LATS1: variants seen among roughly 807,000 people sequenced by gnomAD.
LATS1 encodes the protein large tumor suppressor kinase 1.
A neutral mutation model predicts 106.6 loss-of-function variants in LATS1; 25 were observed. That is an observed-to-expected ratio of 0.23 (90% CI 0.17 to 0.33). LATS1 has a LOEUF of 0.33. LATS1 is among the 10% of genes least tolerant of loss of function. LATS1 has a pLI of 1.00. For missense variants in LATS1, 1,040 were observed against 1,382.6 expected (o/e 0.75, Z 3.93); for synonymous variants, 465 against 455.6 (o/e 1.02, Z -0.26).
chr6:149,675,517 G>A (rs1362429488), intron 7 of LATS1, among the ~76,000 whole-genome samples: 1 of 152,196 alleles, frequency 6.6e-6, no homozygotes, highest in African/African-American at 2.4e-5. Flanking sequence ...GTGACAAAGA[G>A]TAAACTGGAC....
chr6:149,704,885 T>TACACACAC (rs1491407237), intron 1 of LATS1, among the ~76,000 whole-genome samples: 21 of 64,046 alleles, frequency 3.3e-4, no homozygotes, highest in African/African-American at 9.3e-4. Flanking sequence ...AGAAATTAAT[T>TACACACAC]ATACACACAC....
At chr6:149,705,955 G>A (rs988990031) in intron 1 of LATS1, among the ~76,000 whole-genome samples, 1 of 151,830 alleles carries the variant, frequency 6.6e-6, no homozygotes, top group Non-Finnish European at 1.5e-5. Flanking sequence ...AGGCCAAGGC[G>A]GGTGGATCAC....
chr6:149,685,803 C>CAA (rs11316486), intron 3 of LATS1, among the ~76,000 whole-genome samples: 98 of 144,748 alleles, frequency 6.8e-4, no homozygotes, highest in African/African-American at 2.4e-3. Context: ...ATAAAACAAG[C>CAA]AAAAAAAAAA....
intron 5 of LATS1, among the ~76,000 whole-genome samples, chr6:149,678,162 TCC>T (rs1487089533): frequency 0.18 from 5,064 of 28,406 alleles, 1,637 homozygotes; most frequent in African/African-American, 0.43. Flanking sequence ...CTACTAAAAA[TCC>T]AAAAAAAAAA....
chr6:149,704,388 T>C (rs180742550), intron 1 of LATS1, among the ~76,000 whole-genome samples: 158 of 152,036 alleles, frequency 1.0e-3, no homozygotes, highest in African/African-American at 3.0e-3. Context: ...CCATACTGTA[T>C]ACAAAACTAA....
intron 3 of LATS1, among the ~76,000 whole-genome samples, chr6:149,689,400 G>A (rs1782591379): frequency 1.3e-5 from 2 of 148,328 alleles, no homozygotes; most frequent in South Asian, 2.2e-4. Context: ...GGCTGGGCAC[G>A]GTGGCTCATG....
intron 7 of LATS1, among the ~76,000 whole-genome samples, chr6:149,671,999 C>T (rs66516768): frequency 0.4 from 60,222 of 151,316 alleles, 13,035 homozygotes; most frequent in East Asian, 0.81. Context: ...AGCTATTTTC[C>T]TGTCTCCACC....
Position 149,662,063 on chromosome 6 carries a change from C to T in LATS1, c.3059G>A (p.Arg1020Lys). ...AGGAATGTATGAAGCAGACTGCTGT[C>T]TCAGGTCACTGGAGAAGTCAATTGT... ...FKTIDFSSDLRQQSASYIPKI... is the reference protein window; with the variant it reads ...FKTIDFSSDLKQQSASYIPKI... The change falls in exon 8 of 8, where the codon AGA becomes AAA. Residue 1020 changes from arginine to lysine, a missense_variant. Physicochemically the swap from Arg to Lys is conservative, Grantham distance 26 (BLOSUM62 2). Coordinates refer to ENST00000543571, the MANE Select transcript of LATS1 (RefSeq NM_004690.4). 1.2e-6 allele frequency: 2 copies of T among 1,614,124 alleles called. No individual in the cohort carries two copies. The highest frequency in any genetic ancestry group is 1.7e-6 in the Non-Finnish European group (2 of 1,180,012).
intron 7 of LATS1, among the ~76,000 whole-genome samples, chr6:149,668,698 G>A (rs890847581): frequency 2.0e-5 from 3 of 151,606 alleles, no homozygotes; most frequent in Admixed American, 2.0e-4. Flanking sequence ...TCTTGCGTCA[G>A]CCTCCCAAAG....
At chr6:149,668,607 TA>T (rs1355798595) in intron 7 of LATS1, among the ~76,000 whole-genome samples, 2 of 119,574 alleles carry the variant, frequency 1.7e-5, no homozygotes, top group African/African-American at 6.8e-5. Context: ...CATGCCCAGC[TA>T]TTTTTTTTTT....
intron 1 of LATS1, 170 bp downstream of exon 1, chr6:149,717,679 C>T (rs1013938747): frequency 7.3e-5 from 13 of 179,098 alleles, no homozygotes; most frequent in Non-Finnish European, 1.6e-4. Flanking sequence ...GGGCAGGGCT[C>T]AGCTCGGGTC....
intron 2 of LATS1, among the ~76,000 whole-genome samples, chr6:149,701,494 A>G (rs1783459725): frequency 6.6e-6 from 1 of 152,138 alleles, no homozygotes; most frequent in South Asian, 2.1e-4. Context: ...ACCCTCACCT[A>G]TGGCTTTCTT....
At position 149,676,754 on chromosome 6, in the gene LATS1, T is replaced by A. The variant is rs370508695; in HGVS notation, c.2594-17A>T. The stretch of plus-strand genomic sequence containing the variant: ...GATGGTCACCTGCACAACAAAAGAA[T>A]AAGTAAATAAAGTCAACAATGACAA... On this transcript the variant is annotated splice_polypyrimidine_tract_variant and intron_variant, in intron 5 of 7. Transcript: ENST00000543571. The A allele has an allele frequency of 1.3e-6, 2 of 1,598,300 alleles. No homozygotes were observed. Among genetic ancestry groups the A allele is most frequent in the South Asian group, 1.1e-5 (1 of 89,878 alleles).
intron 1 of LATS1, among the ~76,000 whole-genome samples, chr6:149,712,924 G>A (rs1784185202): frequency 6.6e-6 from 1 of 152,114 alleles, no homozygotes; most frequent in Admixed American, 6.6e-5. Context: ...GAGCCCAGGA[G>A]GTCGAGGCTG....
intron 7 of LATS1, among the ~76,000 whole-genome samples, chr6:149,665,526 T>G (rs1356512847): frequency 6.6e-6 from 1 of 152,102 alleles, no homozygotes; most frequent in Non-Finnish European, 1.5e-5. Context: ...GTCAGAGAAC[T>G]AAATAGGGAG....
intron 1 of LATS1, among the ~76,000 whole-genome samples, chr6:149,707,353 G>C (rs906279784): frequency 6.6e-6 from 1 of 152,074 alleles, no homozygotes; most frequent in Non-Finnish European, 1.5e-5. Flanking sequence ...GGAATTATGA[G>C]AAGACAATGG....
Position 149,680,990 on chromosome 6 carries a change from T to A in LATS1, c.2011-533A>T, listed in dbSNP as rs180899879. ...CCACCAATCCTTTCCCTATTCTCAA[T>A]AAATATACAACAGTCATTAATAATC... On this transcript the variant is annotated intron_variant, in intron 4 of 7. Transcript: ENST00000543571. Among the ~76,000 whole-genome samples, 39 of 152,230 alleles carry A rather than the reference T, an allele frequency of 2.6e-4. No individual in the cohort carries two copies. The East Asian group carries it at 6.7e-3, about 26-fold the overall frequency.
chr6:149,710,429 G>C (rs1257489636), intron 1 of LATS1, among the ~76,000 whole-genome samples: 1 of 152,194 alleles, frequency 6.6e-6, no homozygotes, highest in Non-Finnish European at 1.5e-5. Context: ...GGTAATTACT[G>C]ACCAAGTCCT....
intron 7 of LATS1, chr6:149,675,986 C>G (rs922199825): frequency 5.5e-6 from 2 of 361,582 alleles, no homozygotes; most frequent in East Asian, 5.9e-5. Context: ...GTTCCTATAC[C>G]CTTACAAGTT....
Sources: gnomAD v4.1 joint callset for allele counts (sites outside exome capture counted in the v4.1 genomes callset) on GRCh38, gnomAD v4.1.1 for gene constraint, MANE v1.5 for transcripts, NCBI Gene and HGNC (gene_info 2026-07-23, HGNC 2026-07-21) for gene names.